Variants in ATP10A observed in about 807,000 individuals in gnomAD.
ATP10A encodes the protein phospholipid-transporting ATPase VA.
ATP10A carries 111 observed loss-of-function variants against 147.8 expected under a neutral mutation model. The ratio of observed to expected loss-of-function variants is 0.75; its 90% CI spans 0.64 to 0.88. The LOEUF (loss-of-function observed/expected upper bound fraction) is 0.88. Ranked by LOEUF, ATP10A falls within the 40% of genes least tolerant of loss-of-function variation. The pLI is 0.00. For synonymous variants in ATP10A, 875 were observed against 841.6 expected (o/e 1.04, Z -0.69); for missense variants, 1,927 against 1,959.0 (o/e 0.98, Z 0.31).
intron 2 of ATP10A, among the ~76,000 whole-genome samples, chr15:25,755,202 C>T (rs1888352551): frequency 6.6e-6 from 1 of 152,024 alleles, no homozygotes. Flanking sequence ...GGCCATAGTT[C>T]GAAAATTTCC....
At chr15:25,710,833 C>T (rs768713436) in intron 10 of ATP10A, 2 of 152,200 alleles carry the variant, frequency 1.3e-5, no homozygotes, top group Non-Finnish European at 2.9e-5. Flanking sequence ...CCTTAAAGAC[C>T]ACTCCAAGTA....
At chr15:25,732,403 C>T (rs530194435) in intron 3 of ATP10A, among the ~76,000 whole-genome samples, 5 of 151,854 alleles carry the variant, frequency 3.3e-5, no homozygotes, top group East Asian at 3.9e-4. Flanking sequence ...ACCCAGCTAA[C>T]GAGAACATTT....
Position 25,863,240 on chromosome 15 carries a change from T to C in ATP10A, c.-144A>G, listed in dbSNP as rs956937574. On this transcript the variant is annotated 5_prime_UTR_variant, in exon 1 of 21. Coordinates refer to ENST00000555815, the MANE Select transcript of ATP10A (RefSeq NM_024490.4). ...CGGAGACCGCGGTCAGCGCGCCGCC[T>C]GGCCGGCCCAGCGCGCCCAGCCCGC... 2.1e-6 allele frequency: 1 copy of C among 470,926 alleles called. No individual in the cohort carries two copies. The highest frequency in any genetic ancestry group is 2.9e-6 in the Non-Finnish European group (1 of 350,532). The allele number at this position is 470,926 out of a possible 1,614,324, so 29.2% of individuals were successfully genotyped here.
chr15:25,754,002 G>A lies in ATP10A; in HGVS notation c.655-17861C>T, dbSNP rs182737003. ...GCTGTAGAGATGGGAGTCTTGCCAC[G>A]TTGCCTAGGCTGGTCTCAAACTGTT... is the stretch of plus-strand genomic sequence containing the variant. On this transcript the variant is annotated intron_variant, in intron 2 of 20. Coordinates refer to ENST00000555815, the MANE Select transcript of ATP10A (RefSeq NM_024490.4). Among the ~76,000 whole-genome samples, 119 of 152,204 alleles carry A rather than the reference G, an allele frequency of 7.8e-4. 2 individuals are homozygous for A. Among genetic ancestry groups the A allele is most frequent in the Admixed American group, 6.8e-3 (104 of 15,288 alleles).
chr15:25,853,373 C>T (rs1047346227), intron 1 of ATP10A, among the ~76,000 whole-genome samples: 1 of 152,164 alleles, frequency 6.6e-6, no homozygotes, highest in African/African-American at 2.4e-5. Flanking sequence ...AGGAGTCTAA[C>T]AGTCACCCAG....
At chr15:25,735,988 A>T (rs1381627260) in intron 3 of ATP10A, 68 bp downstream of exon 3, 4 of 1,311,602 alleles carry the variant, frequency 3.0e-6, no homozygotes, top group Non-Finnish European at 4.4e-6. Context: ...ATAACTGAGA[A>T]TGTGTAAACA....
chr15:25,786,738 G>A (rs1405102927), intron 1 of ATP10A, among the ~76,000 whole-genome samples: 1 of 136,168 alleles, frequency 7.3e-6, no homozygotes, highest in Non-Finnish European at 1.5e-5. Context: ...CCATTCTCCT[G>A]CCTCAGCCTT....
In ATP10A at chr15:25,845,306, C is replaced by T. The variant is rs145827472; in HGVS notation, c.449+17342G>A. 3.3e-3 allele frequency among the ~76,000 whole-genome samples: 481 copies of T among 144,030 alleles called. 5 individuals are homozygous for T. Among genetic ancestry groups the T allele is most frequent in the South Asian group, 0.02 (90 of 4,474 alleles). 94.5% of individuals were successfully genotyped at this position (144,030 alleles called of 152,430 possible). ...AGCCTTCAAAATCAGGAAATCAGCA[C>T]GGACCGTTTGTGTGTTTGTGTGTGT... On this transcript the variant is annotated intron_variant, in intron 1 of 20. Coordinates refer to ENST00000555815, the MANE Select transcript of ATP10A (RefSeq NM_024490.4).
chr15:25,786,434 A>G (rs975390793), intron 1 of ATP10A, among the ~76,000 whole-genome samples: 1 of 152,012 alleles, frequency 6.6e-6, no homozygotes, highest in Non-Finnish European at 1.5e-5. Context: ...CGCATCACTC[A>G]AGCACATTTC....
At chr15:25,766,137 T>G (rs887054744) in intron 2 of ATP10A, among the ~76,000 whole-genome samples, 1 of 152,114 alleles carries the variant, frequency 6.6e-6, no homozygotes, top group African/African-American at 2.4e-5. Flanking sequence ...AAACCCCTCA[T>G]AAACCCATCA....
intron 1 of ATP10A, among the ~76,000 whole-genome samples, chr15:25,843,579 G>A (rs914024160): frequency 2.0e-5 from 3 of 152,138 alleles, no homozygotes; most frequent in African/African-American, 7.2e-5. Flanking sequence ...GAGGCTTAGA[G>A]CCCTCTTAGA....
chr15:25,769,996 C>T (rs1039064565), intron 2 of ATP10A, among the ~76,000 whole-genome samples: 1 of 152,168 alleles, frequency 6.6e-6, no homozygotes, highest in East Asian at 1.9e-4. Context: ...AGGAGAGAGG[C>T]CTCAAGTAAA....
chr15:25,681,022 C>T lies in ATP10A; in HGVS notation c.3545G>A (p.Ser1182Asn), dbSNP rs564882602. ...GTAAGGAATGGAAAAGCAAACCAGG[C>T]TCTGGAAGGCGGCGTCGGCCATGTT... ...WFNMADAAFQ[S>N]LVCFSIPYLA... Residue 1182 changes from serine to asparagine, a missense_variant, in exon 18 of 21, where the codon AGC becomes AAC. Ser to Asn is a conservative substitution (Grantham distance 46). Coordinates refer to ENST00000555815, the MANE Select transcript of ATP10A (RefSeq NM_024490.4). 6.2e-7 allele frequency: 1 copy of T among 1,614,036 alleles called. No individual in the cohort carries two copies. Among genetic ancestry groups the T allele is most frequent in the Non-Finnish European group, 8.5e-7 (1 of 1,180,022 alleles).
intron 2 of ATP10A, among the ~76,000 whole-genome samples, chr15:25,750,971 AT>A (rs1254103594): frequency 6.6e-5 from 10 of 152,250 alleles, no homozygotes; most frequent in Non-Finnish European, 1.0e-4. Context: ...TAGCAAGATG[AT>A]AGGCTTAAAT....
intron 10 of ATP10A, among the ~76,000 whole-genome samples, chr15:25,711,570 C>T (rs915616877): frequency 1.2e-4 from 19 of 152,246 alleles, no homozygotes; most frequent in African/African-American, 4.1e-4. Context: ...TAGATCTTCC[C>T]TATCCAAAGC....
intron 1 of ATP10A, among the ~76,000 whole-genome samples, chr15:25,787,919 T>C (rs927261893): frequency 7.9e-5 from 12 of 152,082 alleles, no homozygotes; most frequent in East Asian, 7.8e-4. Context: ...GGTGTGGCCA[T>C]AGAAGGACAC....
chr15:25,823,306 CTT>C, intron 1 of ATP10A, among the ~76,000 whole-genome samples: 1 of 152,272 alleles, frequency 6.6e-6, no homozygotes, highest in Non-Finnish European at 1.5e-5. Context: ...TTGTTCAACT[CTT>C]ATAGATCATG....
chr15:25,760,499 T>C (rs772358324), intron 2 of ATP10A, among the ~76,000 whole-genome samples: 41 of 152,230 alleles, frequency 2.7e-4, no homozygotes, highest in Non-Finnish European at 4.8e-4. Context: ...TGAAAGTTAC[T>C]TGCAAGCACT....
intron 10 of ATP10A, chr15:25,710,780 C>T (rs1161061554): frequency 6.6e-6 from 1 of 152,226 alleles, no homozygotes; most frequent in Non-Finnish European, 1.5e-5. Flanking sequence ...GGCCATCTCT[C>T]TGTCCTTGCT....
Sources: gnomAD v4.1 joint callset for allele counts (sites outside exome capture counted in the v4.1 genomes callset) on GRCh38, gnomAD v4.1.1 for gene constraint, MANE v1.5 for transcripts, NCBI Gene and HGNC (gene_info 2026-07-23, HGNC 2026-07-21) for gene names.